TRIO: variants seen among roughly 807,000 people sequenced by gnomAD.
TRIO encodes the protein trio Rho guanine nucleotide exchange factor.
A neutral mutation model predicts 351.9 loss-of-function variants in TRIO; 58 were observed. That is an observed-to-expected ratio of 0.16 (90% CI 0.13 to 0.21). The LOEUF is 0.21. Ranked by LOEUF, TRIO falls within the 10% of genes least tolerant of loss-of-function variation. The pLI is 1.00. For missense variants in TRIO, 3,201 were observed against 4,027.8 expected, an observed-to-expected ratio of 0.79 and a Z score of 5.56; for synonymous variants, 1,758 against 1,595.7, an observed-to-expected ratio of 1.10 and a Z score of -2.42.
intron 2 of TRIO, among the ~76,000 whole-genome samples, chr5:14,279,069 G>A (rs1279545804): frequency 1.3e-5 from 2 of 152,154 alleles, no homozygotes; most frequent in Admixed American, 6.5e-5. Context: ...TGTATGTAGA[G>A]CACGTGATAC....
chr5:14,283,823 A>G (rs1344822492), intron 3 of TRIO, among the ~76,000 whole-genome samples: 5 of 152,012 alleles, frequency 3.3e-5, no homozygotes, highest in Non-Finnish European at 4.4e-5. Flanking sequence ...TTCATTTGCA[A>G]TGAAACTTTC....
intron 1 of TRIO, among the ~76,000 whole-genome samples, chr5:14,178,608 C>T (rs565821124): frequency 6.6e-6 from 1 of 152,192 alleles, no homozygotes; most frequent in African/African-American, 2.4e-5. Flanking sequence ...CTGTGTCTGT[C>T]AAGCTAGGAT....
intron 40 of TRIO, among the ~76,000 whole-genome samples, chr5:14,474,922 A>G (rs1276744214): frequency 6.6e-6 from 1 of 152,016 alleles, no homozygotes; most frequent in Non-Finnish European, 1.5e-5. Flanking sequence ...CAGTCTTCCC[A>G]CCTCAGCCTC....
In TRIO at chr5:14,285,231, TAGTTATTAGA is replaced by T. The variant is rs146651926; in HGVS notation, c.348-1635_348-1626del. Among the ~76,000 whole-genome samples, 783 of 152,228 alleles carry T rather than the reference TAGTTATTAGA, an allele frequency of 5.1e-3. 8 individuals carry two copies. The highest frequency in any genetic ancestry group is 0.018 in the African/African-American group (754 of 41,548). ...CATTTCAATTTACATCCCTATGAGA[TAGTTATTAGA>T]AGTTCATCACATCGTTCCTAATCAG... On this transcript the variant is annotated intron_variant, in intron 3 of 56. Coordinates refer to ENST00000344204, the MANE Select transcript of TRIO (RefSeq NM_007118.4).
intron 9 of TRIO, among the ~76,000 whole-genome samples, chr5:14,324,315 C>T (rs1463385547): frequency 6.6e-6 from 1 of 152,126 alleles, no homozygotes; most frequent in Non-Finnish European, 1.5e-5. Context: ...ATCAGAGGAG[C>T]TTATTTTCAT....
At chr5:14,318,766 A>C (rs935942295) in intron 9 of TRIO, among the ~76,000 whole-genome samples, 2 of 152,236 alleles carry the variant, frequency 1.3e-5, no homozygotes, top group African/African-American at 4.8e-5. Context: ...TCTACAAACC[A>C]TGAAATGTTG....
At position 14,504,546 on chromosome 5, in the gene TRIO, C is replaced by T. The variant is rs373026400; in HGVS notation, c.8565C>T (p.Leu2855=). The change falls in exon 55 of 57, where the codon CTC becomes CTT. Residue 2855 remains leucine (L), a synonymous_variant. Coordinates refer to ENST00000344204, the MANE Select transcript of TRIO (RefSeq NM_007118.4). ...TCCAGCACCCCCTGCTTGTCGGCCTCCTCGACACCTTTGAGACCCCCACCA... is the reference window on the plus strand; with the variant it reads ...TCCAGCACCCCCTGCTTGTCGGCCTTCTCGACACCTTTGAGACCCCCACCA... The part of the protein sequence containing the change: ...QSLQHPLLVG[L]LDTFETPTSY... The T allele has an allele frequency of 1.8e-5, 29 of 1,614,032 alleles. No homozygotes were observed. The highest frequency in any genetic ancestry group is 1.9e-5 in the Non-Finnish European group (23 of 1,180,040).
At chr5:14,358,387 A>G in intron 12 of TRIO, 40 bp downstream of exon 12, 1 of 1,602,878 alleles carries the variant, frequency 6.2e-7, no homozygotes, top group East Asian at 2.2e-5. Context: ...AGATTCTGAA[A>G]CCCTGCCTGT....
intron 1 of TRIO, among the ~76,000 whole-genome samples, chr5:14,155,513 T>G (rs1403430105): frequency 6.6e-6 from 1 of 152,228 alleles, no homozygotes; most frequent in East Asian, 1.9e-4. Context: ...AGGACCATGT[T>G]ACATTTAGTT....
intron 34 of TRIO, among the ~76,000 whole-genome samples, chr5:14,444,596 C>A (rs956282507): frequency 1.3e-5 from 2 of 152,106 alleles, no homozygotes; most frequent in African/African-American, 4.8e-5. Context: ...AACAAACAAA[C>A]AAAAGAAGAT....
At position 14,174,994 on chromosome 5, in the gene TRIO, T is replaced by G. The variant is rs115937657; in HGVS notation, c.157+31112T>G. On this transcript the variant is annotated intron_variant, in intron 1 of 56. Coordinates refer to ENST00000344204, the MANE Select transcript of TRIO (RefSeq NM_007118.4). ...AGAAGTTACTAGAATGACTGCTATT[T>G]TCATTTAATGTGTGGTAAAGATGCA... Among the ~76,000 whole-genome samples the G allele has an allele frequency of 6.3e-3, 961 of 152,320 alleles. 4 individuals are homozygous for G. The highest frequency in any genetic ancestry group is 0.022 in the African/African-American group (920 of 41,566).
At chr5:14,470,441 T>C (rs1008262449) in intron 37 of TRIO, among the ~76,000 whole-genome samples, 5 of 152,230 alleles carry the variant, frequency 3.3e-5, no homozygotes, top group African/African-American at 1.2e-4. Flanking sequence ...GTTTGTTGCT[T>C]TGGGAATGTT....
chr5:14,463,061 C>G (rs894974165), intron 36 of TRIO, 136 bp downstream of exon 36: 8 of 1,139,272 alleles, frequency 7.0e-6, no homozygotes, highest in Non-Finnish European at 8.2e-6. Flanking sequence ...AGTGCTCTTT[C>G]AGGCAGCGTC....
Position 14,392,777 on chromosome 5 carries a change from C to T in TRIO, c.4219-1261C>T, listed in dbSNP as rs565403886. On this transcript the variant is annotated intron_variant, in intron 27 of 56. Coordinates refer to ENST00000344204, the MANE Select transcript of TRIO (RefSeq NM_007118.4). Reference sequence around the variant, plus strand: ...AAGGATGAGTTTGGGCCGGGCACAGCGGCTCACGCCTGTAATCCCAGCACT... The same window carrying T: ...AAGGATGAGTTTGGGCCGGGCACAGTGGCTCACGCCTGTAATCCCAGCACT... Among the ~76,000 whole-genome samples the T allele has an allele frequency of 1.5e-4, 23 of 152,246 alleles. No homozygotes were observed. In the South Asian group the frequency reaches 1.7e-3, roughly 11 times the overall value.
chr5:14,311,266 T>C (rs911253409), intron 8 of TRIO, among the ~76,000 whole-genome samples: 2 of 152,252 alleles, frequency 1.3e-5, no homozygotes, highest in Admixed American at 6.5e-5. Context: ...TTTGGTCTTA[T>C]TTTGGTTTTT....
At chr5:14,318,937 C>T (rs552536517) in intron 9 of TRIO, among the ~76,000 whole-genome samples, 4 of 152,290 alleles carry the variant, frequency 2.6e-5, no homozygotes, top group African/African-American at 9.6e-5. Flanking sequence ...CCCCACACCC[C>T]ATTTCTCATG....
Position 14,493,423 on chromosome 5 carries a change from T to G in TRIO, c.7880+609T>G, listed in dbSNP as rs1034704697. On this transcript the variant is annotated intron_variant, in intron 49 of 56. Coordinates refer to ENST00000344204, the MANE Select transcript of TRIO (RefSeq NM_007118.4). ...TCACATTTTGGTGATTCTCAAATAT[T>G]TCATGCATTTTGTTATTGTATTTGT... is the stretch of plus-strand genomic sequence containing the variant. 8.5e-5 allele frequency among the ~76,000 whole-genome samples: 13 copies of G among 152,350 alleles called. No individual in the cohort carries two copies. The East Asian group carries it at 2.5e-3, about 29-fold the overall frequency.
chr5:14,393,944 A>G, intron 27 of TRIO, 94 bp from the exon 28 acceptor site: 1 of 718,638 alleles, frequency 1.4e-6, no homozygotes, highest in Middle Eastern at 2.5e-4. Flanking sequence ...AACAGTTGTC[A>G]GGTACAGTAT....
At chr5:14,325,578 C>T (rs1185319812) in intron 9 of TRIO, among the ~76,000 whole-genome samples, 1 of 152,202 alleles carries the variant, frequency 6.6e-6, no homozygotes, top group East Asian at 1.9e-4. Flanking sequence ...ACTGGAACAC[C>T]TCCCGGTAGG....
Sources: gnomAD v4.1 joint callset for allele counts (sites outside exome capture counted in the v4.1 genomes callset) on GRCh38, gnomAD v4.1.1 for gene constraint, MANE v1.5 for transcripts, NCBI Gene and HGNC (gene_info 2026-07-23, HGNC 2026-07-21) for gene names.